The following SEMA4A variants were observed in gnomAD, a reference collection of about 807,000 sequenced individuals.
SEMA4A encodes the protein semaphorin 4A, also known as semaphorin-4A.
In SEMA4A, 52 loss-of-function variants were observed where a neutral mutation model predicts 72.5. The ratio of observed to expected loss-of-function variants is 0.72; its 90% CI spans 0.57 to 0.90. The LOEUF (loss-of-function observed/expected upper bound fraction) is 0.90. SEMA4A is among the 40% of genes least tolerant of loss of function. SEMA4A has a pLI of 0.00. For synonymous variants in SEMA4A, 369 were observed against 393.1 expected (o/e 0.94, Z 0.73); for missense variants, 926 against 959.7 (o/e 0.96, Z 0.46).
chr1:156,176,330 A>T, intron 14 of SEMA4A, 75 bp from the exon 15 acceptor site: 8 of 1,105,114 alleles, frequency 7.2e-6, no homozygotes, highest in Non-Finnish European at 1.1e-5. Context: ...GGGTCCAAAG[A>T]TAGGTTAGAG....
At chr1:156,148,410 C>T (rs1438339432), upstream of SEMA4A, among the ~76,000 whole-genome samples, 1 of 152,202 alleles carries the variant, frequency 6.6e-6, no homozygotes, top group East Asian at 1.9e-4. Flanking sequence ...ATGGCGGCCC[C>T]GTTCAGGGTC....
upstream of SEMA4A, among the ~76,000 whole-genome samples, chr1:156,150,528 CT>C (rs892774375): frequency 1.3e-5 from 2 of 151,986 alleles, no homozygotes; most frequent in African/African-American, 4.8e-5. Flanking sequence ...TGGGCTGCCC[CT>C]GAAGCTGAAA....
Position 156,162,929 on chromosome 1 carries a change from T to G in SEMA4A, c.984-15T>G, listed in dbSNP as rs1653796545. On this transcript the variant is annotated splice_polypyrimidine_tract_variant and intron_variant, in intron 9 of 14. Coordinates refer to ENST00000368285, the MANE Select transcript of SEMA4A (RefSeq NM_022367.4). ...GGCAGAGACCACAGACAATGTTCCC[T>G]CTGGCTGTCTCCAGGCAGGTTGGCG... 1 of 1,613,048 alleles carries G rather than the reference T, an allele frequency of 6.2e-7. No individual in the cohort carries two copies. The highest frequency in any genetic ancestry group is 1.3e-5 in the African/African-American group (1 of 74,892).
At chr1:156,175,334 A>G in intron 13 of SEMA4A, 91 bp downstream of exon 13, 2 of 1,440,902 alleles carry the variant, frequency 1.4e-6, no homozygotes, top group Non-Finnish European at 1.9e-6. Context: ...TCCAGGGGCT[A>G]CTGACATATT....
chr1:156,176,313 A>ATT, intron 14 of SEMA4A, 92 bp from the exon 15 acceptor site: 1 of 859,124 alleles, frequency 1.2e-6, no homozygotes, highest in Non-Finnish European at 1.8e-6. Flanking sequence ...AAAAAAAAAG[A>ATT]GGGCTGGGGT....
intron 10 of SEMA4A, among the ~76,000 whole-genome samples, chr1:156,163,464 G>C (rs544154479): frequency 6.6e-6 from 1 of 152,138 alleles, no homozygotes; most frequent in Non-Finnish European, 1.5e-5. Context: ...GCTCACACCT[G>C]TAATCCCAAC....
intron 8 of SEMA4A, 102 bp downstream of exon 8, chr1:156,161,131 G>C (rs1198661163): frequency 1.5e-6 from 2 of 1,294,084 alleles, no homozygotes; most frequent in African/African-American, 3.1e-5. Flanking sequence ...GCGGGGGAGC[G>C]GGGCGGGGAA....
rs893712902 is a variant in SEMA4A, at chr1:156,163,079, C to T, written c.1119C>T (p.Asn373=). The change falls in exon 10 of 15, where the codon AAC becomes AAT. Residue 373 remains asparagine (N), a synonymous_variant. Transcript: ENST00000368285. ...CTACTTATAGGGGCCCTGAGACCAA[C>T]CCCCGGCCAGGCAGTGTGAGTACTA... The part of the protein sequence containing the change: ...RWTTYRGPET[N]PRPGSCSVGP... 1 of 1,614,018 alleles carries T rather than the reference C, an allele frequency of 6.2e-7. No individual in the cohort carries two copies.
rs368001267 is a variant in SEMA4A at position 156,174,920 on chromosome 1, C to T, written c.1414C>T (p.Leu472=). The change falls in exon 12 of 15, where the codon CTG becomes TTG. Residue 472 remains leucine, a synonymous_variant. Transcript: ENST00000368285. The stretch of plus-strand genomic sequence containing the variant: ...CCCTGACCCTGAACCTGTTCGCAAC[C>T]TGCAGCTGGCCCCCACCCAGGTGGG... ...LFPDPEPVRN[L]QLAPTQGAVF... The T allele has an allele frequency of 5.0e-6, 8 of 1,614,082 alleles. No homozygotes were observed. In the African/African-American group the frequency reaches 1.1e-4, roughly 22 times the overall value.
At chr1:156,156,977 C>G (rs1196675167) in intron 3 of SEMA4A, among the ~76,000 whole-genome samples, 2 of 152,138 alleles carry the variant, frequency 1.3e-5, no homozygotes, top group Non-Finnish European at 2.9e-5. Context: ...GGTGATCCGC[C>G]TGCCTCAGCC....
rs543335757 is a variant in SEMA4A at position 156,169,337 on chromosome 1, T to C, written c.1135-3489T>C. On this transcript the variant is annotated intron_variant, in intron 10 of 14. Transcript: ENST00000368285. ...TTCATTCGCTTTCCAGCTTCCAAAA[T>C]GTGGATGCTTTTGCATTTCTCTCTT... Among the ~76,000 whole-genome samples, 60 of 151,986 alleles carry C rather than the reference T, an allele frequency of 3.9e-4. No homozygotes were observed. In the South Asian group the frequency reaches 5.2e-3, roughly 13 times the overall value.
At chr1:156,161,149 G>C in intron 8 of SEMA4A, 120 bp downstream of exon 8, 1 of 787,940 alleles carries the variant, frequency 1.3e-6, no homozygotes, top group African/African-American at 2.0e-5. Flanking sequence ...GAACAAGCGG[G>C]CCTGGCGGGG....
chr1:156,161,150 C>G, intron 8 of SEMA4A, 121 bp downstream of exon 8: 1 of 637,718 alleles, frequency 1.6e-6, no homozygotes, highest in Non-Finnish European at 2.4e-6. Flanking sequence ...AACAAGCGGG[C>G]CTGGCGGGGT....
At chr1:156,173,908 G>A (rs1039075679) in intron 11 of SEMA4A, among the ~76,000 whole-genome samples, 2 of 152,096 alleles carry the variant, frequency 1.3e-5, no homozygotes, top group African/African-American at 4.8e-5. Flanking sequence ...TCAGGAGTTC[G>A]AGACCAGCCT....
intron 3 of SEMA4A, 76 bp downstream of exon 3, chr1:156,156,650 G>A: frequency 6.9e-7 from 1 of 1,440,860 alleles, no homozygotes. Flanking sequence ...TTGGCTGCCT[G>A]TGCATGAATA....
In SEMA4A at chr1:156,160,545, T is replaced by C. The variant is rs1282550228; in HGVS notation, c.671T>C (p.Leu224Pro). ...SQPVLKTDNF[L>P]RWLHHDASFV... is the part of the protein sequence containing the mutation. ...CCTGTCCTCAAGACCGACAACTTCC[T>C]CCGCTGGCTGCATCGTAAGGACCTG... The change falls in exon 7 of 15, where the codon CTC (leucine) becomes CCC (proline). Residue 224 changes from leucine (L) to proline (P), a missense_variant. By Grantham distance (98) the Leu-to-Pro change is moderately conservative (BLOSUM62 -3). Coordinates refer to ENST00000368285, the MANE Select transcript of SEMA4A (RefSeq NM_022367.4). 1 of 1,613,984 alleles carries C rather than the reference T, an allele frequency of 6.2e-7. No individual in the cohort carries two copies. Among genetic ancestry groups the C allele is most frequent in the African/African-American group, 1.3e-5 (1 of 74,920 alleles).
At chr1:156,149,361 C>A (rs534446427), upstream of SEMA4A, among the ~76,000 whole-genome samples, 38 of 152,296 alleles carry the variant, frequency 2.5e-4, no homozygotes, top group South Asian at 8.3e-4. Context: ...ACAGCACAAA[C>A]CTTCCCCTTT....
intron 10 of SEMA4A, among the ~76,000 whole-genome samples, chr1:156,168,416 G>C (rs566321854): frequency 2.7e-5 from 4 of 146,392 alleles, no homozygotes; most frequent in African/African-American, 1.0e-4. Context: ...TAGAGATGGG[G>C]TTTCACCGTG....
upstream of SEMA4A, among the ~76,000 whole-genome samples, chr1:156,152,339 A>G (rs1451180889): frequency 3.3e-5 from 5 of 152,182 alleles, no homozygotes; most frequent in Admixed American, 6.5e-5. Flanking sequence ...ATAGGACATC[A>G]GGCTGGGAGT....
Sources: allele counts gnomAD v4.1 joint callset (sites outside exome capture counted in the v4.1 genomes callset), GRCh38; gene constraint gnomAD v4.1.1; transcripts MANE v1.5; gene names NCBI Gene and HGNC (gene_info 2026-07-23, HGNC 2026-07-21).